Variants in C1QTNF6 observed in about 807,000 individuals in gnomAD.
The protein encoded by C1QTNF6 is complement C1q tumor necrosis factor-related protein 6.
C1QTNF6 carries 17 observed loss-of-function variants against 20.7 expected under a neutral mutation model. The observed-to-expected ratio is 0.82, with a 90% confidence interval of 0.56 to 1.23. The LOEUF is 1.23. Ranked by LOEUF, C1QTNF6 falls within the 50% of genes most tolerant of loss-of-function variation. The pLI is 0.00. For missense variants in C1QTNF6, 329 were observed against 389.7 expected, an observed-to-expected ratio of 0.84 and a Z score of 1.31; for synonymous variants, 130 against 156.3, an observed-to-expected ratio of 0.83 and a Z score of 1.25.
At chr22:37,186,546 G>A (rs978126560) in intron 1 of C1QTNF6, among the ~76,000 whole-genome samples, 6 of 152,236 alleles carry the variant, frequency 3.9e-5, no homozygotes, top group African/African-American at 1.4e-4. Context: ...GTAAGTGTTG[G>A]TGAGGATCTG....
At position 37,184,860 on chromosome 22, in the gene C1QTNF6, C is replaced by T. The variant is rs1212913142; in HGVS notation, c.289+358G>A. 6.6e-6 allele frequency among the ~76,000 whole-genome samples: 1 copy of T among 152,182 alleles called. No homozygotes were observed. Among genetic ancestry groups the T allele is most frequent in the African/African-American group, 2.4e-5 (1 of 41,450 alleles). The stretch of plus-strand genomic sequence containing the variant: ...CTTAGAAGCCTGTGCTCCATGGGTC[C>T]TCCACTGACCACCTCATTCAATATG... On this transcript the variant is annotated intron_variant, in intron 2 of 2. Transcript: ENST00000337843. The surrounding 1 kb of genome is among the most constrained non-coding windows in gnomAD (Gnocchi z 4.0).
chr22:37,190,829 T>C (rs1924772865), upstream of C1QTNF6: 1 of 152,248 alleles, frequency 6.6e-6, no homozygotes, highest in Non-Finnish European at 1.5e-5. Flanking sequence ...ATTCCAAATT[T>C]TGTTTTTGGA....
upstream of C1QTNF6, among the ~76,000 whole-genome samples, chr22:37,188,646 G>C (rs41280017): frequency 0.013 from 1,961 of 152,362 alleles, 14 homozygotes; most frequent in Non-Finnish European, 0.021. Flanking sequence ...GTGGGTAGCA[G>C]AGAAGGTGCA....
chr22:37,198,675 G>C (rs1432517489), upstream of C1QTNF6, among the ~76,000 whole-genome samples: 3 of 152,026 alleles, frequency 2.0e-5, no homozygotes, highest in Non-Finnish European at 4.4e-5. Context: ...AACCCGGGAC[G>C]CTCCCCGCTC....
In C1QTNF6 at chr22:37,187,310, A is replaced by C. The variant is rs576219537; in HGVS notation, c.51+853T>G. Among the ~76,000 whole-genome samples the C allele has an allele frequency of 2.4e-3, 360 of 152,206 alleles. 1 individual carries two copies. Among genetic ancestry groups the C allele is most frequent in the African/African-American group, 8.3e-3 (345 of 41,534 alleles). ...CTGTCATCCTCAACTTTTACTTATA[A>C]ATGACAAATCCCAGTGGTTTTGGAA... On this transcript the variant is annotated intron_variant, in intron 1 of 2. Transcript: ENST00000337843.
chr22:37,195,287 C>T (rs1451265254), intron 2 of C1QTNF6: 2 of 152,202 alleles, frequency 1.3e-5, no homozygotes, highest in Non-Finnish European at 2.9e-5. Context: ...AGCATCTTTG[C>T]CCTTCACTAA....
intron 1 of C1QTNF6, 190 bp from the exon 2 acceptor site, chr22:37,185,645 G>A (rs886701399): frequency 1.9e-5 from 24 of 1,296,804 alleles, no homozygotes; most frequent in South Asian, 1.1e-4. Flanking sequence ...CCCCAAGATC[G>A]GGAGGAGACT....
At chr22:37,195,599 G>T (rs542332266) in intron 1 of C1QTNF6, 2 of 152,266 alleles carry the variant, frequency 1.3e-5, no homozygotes, top group Non-Finnish European at 2.9e-5. Flanking sequence ...CAAAAGAATG[G>T]CTACTCCATA....
At chr22:37,189,578 G>A (rs971808877), upstream of C1QTNF6, among the ~76,000 whole-genome samples, 4 of 152,210 alleles carry the variant, frequency 2.6e-5, no homozygotes, top group Admixed American at 6.5e-5. Context: ...GAATAGAGGC[G>A]ATGATATTCC....
At chr22:37,189,065 G>C (rs940361581), upstream of C1QTNF6, among the ~76,000 whole-genome samples, 5 of 152,176 alleles carry the variant, frequency 3.3e-5, no homozygotes, top group South Asian at 6.2e-4. Flanking sequence ...TTATTCATGA[G>C]TTTTCCAGGA....
At chr22:37,189,405 A>G (rs546284117), upstream of C1QTNF6, among the ~76,000 whole-genome samples, 72 of 152,286 alleles carry the variant, frequency 4.7e-4, no homozygotes, top group South Asian at 8.3e-4. Context: ...CTGGGAATGC[A>G]GCCTGGCAGG....
Position 37,182,635 on chromosome 22 carries a change from C to G in C1QTNF6, c.390G>C (p.Gly130=). 1 of 1,613,560 alleles carries G rather than the reference C, an allele frequency of 6.2e-7. No homozygotes were observed. The highest frequency in any genetic ancestry group is 8.5e-7 in the Non-Finnish European group (1 of 1,180,028). ...PGPQGSKGDK[G]EMGSPGAPCQ... The stretch of plus-strand genomic sequence containing the variant: ...ACGGGGCGCCGGGGCTGCCCATCTC[C>G]CCCTTGTCACCCTTGCTGCCCTGAG... The change falls in exon 3 of 3, where the codon GGG becomes GGC. Residue 130 remains glycine, a synonymous_variant. Coordinates refer to ENST00000337843, the MANE Select transcript of C1QTNF6 (RefSeq NM_031910.4).
In C1QTNF6 at chr22:37,185,426, G is replaced by A. The variant is rs12158739; in HGVS notation, c.81C>T (p.Pro27=). Residue 27 remains proline (P), a synonymous_variant, in exon 2 of 3, where the codon CCC becomes CCT. Coordinates refer to ENST00000337843, the MANE Select transcript of C1QTNF6 (RefSeq NM_031910.4). Reference sequence around the variant, plus strand: ...GAAAGAGCAGGAGCGCTGCCCAGACGGGACCCAGGGCGGCTGTCCCCATGG... The same window carrying A: ...GAAAGAGCAGGAGCGCTGCCCAGACAGGACCCAGGGCGGCTGTCCCCATGG... The part of the protein sequence containing the change: ...RVTMGTAALG[P]VWAALLLFLL... 80 of 1,608,958 alleles carry A rather than the reference G, an allele frequency of 5.0e-5. No individual in the cohort carries two copies. In the African/African-American group the frequency reaches 8.1e-4, roughly 16 times the overall value.
chr22:37,198,414 G>A (rs572186592), upstream of C1QTNF6: 1 of 152,204 alleles, frequency 6.6e-6, no homozygotes, highest in South Asian at 2.1e-4. Flanking sequence ...CCACGTTCCA[G>A]CCCAGGGTCA....
chr22:37,181,274 G>T lies in C1QTNF6; in HGVS notation c.*914C>A. The T allele has an allele frequency of 6.6e-6, 1 of 152,558 alleles. No individual in the cohort carries two copies. The highest frequency in any genetic ancestry group is 1.5e-5 in the Non-Finnish European group (1 of 68,188). 9.5% of individuals were successfully genotyped at this position (152,558 alleles called of 1,614,324 possible). ...GGACCCAGCACAGAGTGAGTGCTCA[G>T]TGTTTAATGAATGAATAAATGAACG... On this transcript the variant is annotated 3_prime_UTR_variant, in exon 3 of 3. Coordinates refer to ENST00000337843, the MANE Select transcript of C1QTNF6 (RefSeq NM_031910.4).
Position 37,185,471 on chromosome 22 carries a change from AG to A in C1QTNF6, c.52-17del, listed in dbSNP as rs758468234. On this transcript the variant is annotated splice_polypyrimidine_tract_variant and intron_variant, in intron 1 of 2. Coordinates refer to ENST00000337843, the MANE Select transcript of C1QTNF6 (RefSeq NM_031910.4). ...CCATGGTGACCTGGAACAAGGAAGG[AG>A]GGACAGGAACTATACTTCACTCAAC... 2.5e-6 allele frequency: 4 copies of A among 1,585,462 alleles called. No homozygotes were observed. The highest frequency in any genetic ancestry group is 2.6e-6 in the Non-Finnish European group (3 of 1,164,512).
At chr22:37,186,043 A>G in intron 1 of C1QTNF6, 1 of 985,544 alleles carries the variant, frequency 1.0e-6, no homozygotes, top group Non-Finnish European at 1.2e-6. Flanking sequence ...AGAACACCAT[A>G]GTTCTGAAAA....
chr22:37,186,103 A>T, intron 1 of C1QTNF6: 1 of 985,568 alleles, frequency 1.0e-6, no homozygotes, highest in Non-Finnish European at 1.2e-6. Context: ...AGCAACGTCC[A>T]TGAGAGCATG....
upstream of C1QTNF6, among the ~76,000 whole-genome samples, chr22:37,190,290 A>G (rs897443472): frequency 1.3e-5 from 2 of 152,244 alleles, no homozygotes; most frequent in African/African-American, 4.8e-5. Flanking sequence ...CATAAAGTGC[A>G]GCAAGTATAA....
Sources: gnomAD v4.1 joint callset for allele counts (sites outside exome capture counted in the v4.1 genomes callset) on GRCh38, gnomAD v4.1.1 for gene constraint, Gnocchi (gnomAD v3.1) non-coding constraint, MANE v1.5 for transcripts, NCBI Gene and HGNC (gene_info 2026-07-23, HGNC 2026-07-21) for gene names.